PUDP: variants seen among roughly 807,000 people sequenced by gnomAD.
PUDP encodes the protein pseudouridine-5'-phosphatase.
Under a neutral mutation model 9.4 loss-of-function variants are expected in PUDP, and 8 were observed. That is an observed-to-expected ratio of 0.85 (90% confidence interval 0.50 to 1.53). The LOEUF (loss-of-function observed/expected upper bound fraction) is 1.53, where lower values mean the gene tolerates loss of function less well. PUDP is among the 40% of genes most tolerant of loss of function. PUDP has a pLI of 0.00. For missense variants in PUDP, 188 were observed against 189.7 expected (o/e 0.99, Z 0.05); for synonymous variants, 99 against 80.7 (o/e 1.23, Z -1.22).
chrX:6,861,214 T>A (rs1926996443), intron 3 of PUDP, among the ~76,000 whole-genome samples: 1 of 112,007 alleles, frequency 8.9e-6, no homozygotes, highest in Admixed American at 9.5e-5. Flanking sequence ...AGTCTTTTGA[T>A]CTGCCCCCAG....
At position 6,832,987 on chromosome X, in the gene PUDP, T is replaced by TACACACACACACACACACACACACAC. The variant is rs200319848; in HGVS notation, c.*248-126522_*248-126521insGTGTGTGTGTGTGTGTGTGTGTGTGT. Among the ~76,000 whole-genome samples, 495 of 106,290 alleles carry TACACACACACACACACACACACACAC rather than the reference T, an allele frequency of 4.7e-3. 7 individuals are homozygous for TACACACACACACACACACACACACAC. Among genetic ancestry groups the TACACACACACACACACACACACACAC allele is most frequent in the African/African-American group, 0.014 (413 of 28,954 alleles). The allele number at this position is 106,290 out of a possible 115,157, so 92.3% of individuals were successfully genotyped here. On this transcript the variant is annotated intron_variant and NMD_transcript_variant, in intron 3 of 3. Coordinates refer to the PUDP transcript ENST00000655425. ...TGTCACTCTCTCTCTCTCTCTGACA[T>TACACACACACACACACACACACACAC]ACACACACACACACACACACTTCAC... is the stretch of plus-strand genomic sequence containing the variant.
intron 3 of PUDP, among the ~76,000 whole-genome samples, chrX:6,852,585 CAATAATTGTGAAAACCATTCAT>C (rs1926842960): frequency 1.0e-5 from 1 of 96,102 alleles, no homozygotes; most frequent in Admixed American, 1.3e-4. Context: ...CATTCTCAAA[CAATAATTGTGAAAACCATTCAT>C]TAAGCTCACG....
intron 3 of PUDP, among the ~76,000 whole-genome samples, chrX:6,901,554 G>A (rs893506111): frequency 1.5e-4 from 17 of 112,263 alleles, no homozygotes; most frequent in Non-Finnish European, 2.6e-4. Context: ...TCCACGGGGC[G>A]CAGCCTGACC....
At chrX:6,900,252 T>C (rs1927654872) in intron 3 of PUDP, among the ~76,000 whole-genome samples, 1 of 107,607 alleles carries the variant, frequency 9.3e-6, no homozygotes, top group African/African-American at 3.4e-5. Flanking sequence ...ACAGTAGTCA[T>C]TTATAAATAG....
chrX:6,948,887 A>G (rs1352093171), intron 3 of PUDP, among the ~76,000 whole-genome samples: 1 of 111,835 alleles, frequency 8.9e-6, no homozygotes, highest in African/African-American at 3.2e-5. Context: ...AATTTAAACA[A>G]CTAGGCTGGT....
chrX:6,825,165 G>A (rs1407668638), intron 3 of PUDP, among the ~76,000 whole-genome samples: 1 of 111,487 alleles, frequency 9.0e-6, no homozygotes, highest in Non-Finnish European at 1.9e-5. Flanking sequence ...TATTGTTACT[G>A]CACATAACGT....
intron 1 of PUDP, among the ~76,000 whole-genome samples, chrX:7,131,129 C>T (rs1932610215): frequency 9.0e-6 from 1 of 111,516 alleles, no homozygotes; most frequent in Non-Finnish European, 1.9e-5. Context: ...GAACTCATCC[C>T]TATTTTCAGG....
chrX:6,837,685 GAAT>G (rs1280474635), intron 3 of PUDP, among the ~76,000 whole-genome samples: 1 of 111,656 alleles, frequency 9.0e-6, no homozygotes, highest in Non-Finnish European at 1.9e-5. Flanking sequence ...TCCAGCTCTG[GAAT>G]CTGGAATTCT....
At chrX:7,015,078 C>T (rs982099910) in intron 1 of PUDP, among the ~76,000 whole-genome samples, 1 of 111,720 alleles carries the variant, frequency 9.0e-6, no homozygotes, top group African/African-American at 3.3e-5. Flanking sequence ...TAAGGCATTC[C>T]AAATTCTTGT....
chrX:6,991,410 G>T (rs1164490170), intron 1 of PUDP, among the ~76,000 whole-genome samples: 1 of 110,659 alleles, frequency 9.0e-6, no homozygotes, highest in African/African-American at 3.3e-5. Context: ...TGGGTATAGT[G>T]GCTCACACCT....
chrX:6,856,143 A>G (rs974395370), intron 3 of PUDP, among the ~76,000 whole-genome samples: 4 of 111,089 alleles, frequency 3.6e-5, no homozygotes, highest in African/African-American at 1.3e-4. Context: ...TGCAGGCATT[A>G]CCAATGTTGG....
intron 3 of PUDP, among the ~76,000 whole-genome samples, chrX:6,849,636 G>C (rs1235540578): frequency 1.8e-5 from 2 of 111,702 alleles, no homozygotes; most frequent in African/African-American, 3.3e-5. Context: ...CATAAATACA[G>C]AGCCCTGCCC....
At chrX:7,082,998 C>T (rs1022953854) in intron 2 of PUDP, among the ~76,000 whole-genome samples, 9 of 112,207 alleles carry the variant, frequency 8.0e-5, no homozygotes, top group Non-Finnish European at 1.1e-4. Flanking sequence ...CACGTGGAAA[C>T]GGAGGCAGAG....
intron 3 of PUDP, among the ~76,000 whole-genome samples, chrX:6,855,455 C>T (rs779100784): frequency 9.0e-6 from 1 of 111,389 alleles, no homozygotes; most frequent in Admixed American, 9.6e-5. Flanking sequence ...GGGCTTCCCT[C>T]GATGCCCTCA....
At chrX:6,757,311 G>A (rs991079658) in intron 3 of PUDP, among the ~76,000 whole-genome samples, 3 of 110,886 alleles carry the variant, frequency 2.7e-5, no homozygotes, top group African/African-American at 9.8e-5. Context: ...AGAAATTTAC[G>A]AGGCAGAGGA....
intron 1 of PUDP, among the ~76,000 whole-genome samples, chrX:7,133,355 G>A (rs1932667604): frequency 9.0e-6 from 1 of 111,481 alleles, no homozygotes; most frequent in African/African-American, 3.3e-5. Flanking sequence ...AAGAGGACAG[G>A]GCCCATAACA....
intron 1 of PUDP, among the ~76,000 whole-genome samples, chrX:7,146,836 T>G (rs928308344): frequency 3.0e-4 from 5 of 16,740 alleles, no homozygotes; most frequent in African/African-American, 7.1e-4. Flanking sequence ...AGCTGCAGGG[T>G]TTTTTTTTTT....
intron 1 of PUDP, among the ~76,000 whole-genome samples, chrX:7,146,835 GTTT>G (rs72051800): frequency 0.34 from 28,348 of 82,795 alleles, 4,169 homozygotes; most frequent in Middle Eastern, 0.46. Context: ...GAGCTGCAGG[GTTT>G]TTTTTTTTTT....
At position 7,005,399 on chromosome X, in the gene PUDP, A is replaced by ATAT. The variant is rs764811708; in HGVS notation, c.205-27059_205-27057dup. On this transcript the variant is annotated intron_variant and NMD_transcript_variant, in intron 1 of 3. Transcript: ENST00000655425. ...TATAAAATACACATCAAAATTTGCC[A>ATAT]TATTATTATTATTATTATTATTATT... Among the ~76,000 whole-genome samples the ATAT allele has an allele frequency of 8.7e-3, 946 of 108,556 alleles. 8 individuals carry two copies. Among genetic ancestry groups the ATAT allele is most frequent in the South Asian group, 0.03 (74 of 2,460 alleles). 94.3% of individuals were successfully genotyped at this position (108,556 alleles called of 115,157 possible).
Sources: gnomAD v4.1 joint callset for allele counts (sites outside exome capture counted in the v4.1 genomes callset) on GRCh38, gnomAD v4.1.1 for gene constraint, MANE v1.5 for transcripts, NCBI Gene and HGNC (gene_info 2026-07-23, HGNC 2026-07-21) for gene names.